Variants in DNAJC1 observed in about 807,000 individuals in gnomAD.
DNAJC1 encodes the protein dnaJ homolog subfamily C member 1.
Under a neutral mutation model 76.6 loss-of-function variants are expected in DNAJC1, and 58 were observed. That is an observed-to-expected ratio of 0.76 (90% CI 0.61 to 0.94). The LOEUF is 0.94. Ranked by LOEUF, DNAJC1 falls within the 40% of genes least tolerant of loss-of-function variation. The pLI, the probability that DNAJC1 is intolerant of heterozygous loss-of-function variation, is 0.00. For synonymous variants in DNAJC1, 258 were observed against 267.9 expected, an observed-to-expected ratio of 0.96 and a Z score of 0.36; for missense variants, 689 against 677.3, an observed-to-expected ratio of 1.02 and a Z score of -0.19.
chr10:21,943,747 C>T (rs1437771861), intron 1 of DNAJC1, among the ~76,000 whole-genome samples: 2 of 152,270 alleles, frequency 1.3e-5, no homozygotes, highest in African/African-American at 2.4e-5. Flanking sequence ...CATAGTACCC[C>T]TGCCCAAAGC....
At chr10:21,813,172 CTCCCTCTCTCT>C (rs1835004968) in intron 8 of DNAJC1, among the ~76,000 whole-genome samples, 1 of 61,384 alleles carries the variant, frequency 1.6e-5, no homozygotes, top group Non-Finnish European at 2.9e-5. Flanking sequence ...CTCTCTCTCT[CTCCCTCTCTCT>C]CTCTCTCTCT....
rs1245706309 is a variant in DNAJC1, at chr10:21,920,790, A to G, written c.537+8T>C. 1 of 1,602,902 alleles carries G rather than the reference A, an allele frequency of 6.2e-7. No individual in the cohort carries two copies. Among genetic ancestry groups the G allele is most frequent in the South Asian group, 1.1e-5 (1 of 89,042 alleles). On this transcript the variant is annotated splice_region_variant and intron_variant, in intron 4 of 11. Coordinates refer to ENST00000376980, the MANE Select transcript of DNAJC1 (RefSeq NM_022365.4). ...GGCTAGTTCATTTGATTTATTACTA[A>G]CACTTACCAGTTGTTTTTCCAGGTA...
chr10:21,978,013 GTC>G (rs1388982567), intron 1 of DNAJC1, among the ~76,000 whole-genome samples: 37 of 152,100 alleles, frequency 2.4e-4, no homozygotes, highest in Non-Finnish European at 3.1e-4. Flanking sequence ...CAATAAGAAT[GTC>G]TGTTTTTTAT....
chr10:21,772,552 T>C (rs887307566), intron 9 of DNAJC1, among the ~76,000 whole-genome samples: 1 of 152,126 alleles, frequency 6.6e-6, no homozygotes, highest in Non-Finnish European at 1.5e-5. Context: ...TCCTTTATAA[T>C]CCTTTTTATT....
intron 8 of DNAJC1, among the ~76,000 whole-genome samples, chr10:21,814,912 T>G (rs554675926): frequency 6.6e-6 from 1 of 152,162 alleles, no homozygotes; most frequent in Non-Finnish European, 1.5e-5. Flanking sequence ...CTAGCCCTTA[T>G]GTTGAAATTT....
chr10:21,756,557 A>G lies in DNAJC1; in HGVS notation c.*130T>C. ...CAGTATAGCACAACACTCATCTTTT[A>G]TTTATTTATTATTTTTTTTTACTAA... On this transcript the variant is annotated 3_prime_UTR_variant, in exon 12 of 12. Coordinates refer to ENST00000376980, the MANE Select transcript of DNAJC1 (RefSeq NM_022365.4). The G allele has an allele frequency of 1.5e-6, 1 of 657,276 alleles. No homozygotes were observed. Among genetic ancestry groups the G allele is most frequent in the Non-Finnish European group, 2.7e-6 (1 of 377,194 alleles). 40.7% of individuals were successfully genotyped at this position (657,276 alleles called of 1,614,324 possible).
At chr10:21,778,707 G>C (rs909058991) in intron 9 of DNAJC1, among the ~76,000 whole-genome samples, 2 of 152,208 alleles carry the variant, frequency 1.3e-5, no homozygotes, top group Admixed American at 1.3e-4. Context: ...TTCCAATTGA[G>C]ATACCAGGTT....
At chr10:21,771,292 C>T (rs1834374449) in intron 9 of DNAJC1, among the ~76,000 whole-genome samples, 1 of 152,122 alleles carries the variant, frequency 6.6e-6, no homozygotes, top group Non-Finnish European at 1.5e-5. Flanking sequence ...TGCCTAAATG[C>T]CCTGGCTAAG....
intron 9 of DNAJC1, among the ~76,000 whole-genome samples, chr10:21,789,729 G>A (rs1254703437): frequency 1.3e-5 from 2 of 152,084 alleles, no homozygotes; most frequent in Admixed American, 6.6e-5. Flanking sequence ...AAAAAATACA[G>A]CCAGGTGCAG....
intron 9 of DNAJC1, among the ~76,000 whole-genome samples, chr10:21,783,760 CATCTG>C (rs1340841850): frequency 6.6e-6 from 1 of 152,134 alleles, no homozygotes; most frequent in African/African-American, 2.4e-5. Context: ...CATCTACAAC[CATCTG>C]ATCTTTGACA....
intron 8 of DNAJC1, among the ~76,000 whole-genome samples, chr10:21,860,563 G>A (rs900619839): frequency 9.9e-5 from 15 of 151,978 alleles, no homozygotes; most frequent in Admixed American, 9.8e-4. Flanking sequence ...GCATGGTGGT[G>A]CGCACCTGTA....
intron 6 of DNAJC1, among the ~76,000 whole-genome samples, chr10:21,916,358 G>A (rs986260796): frequency 3.3e-5 from 5 of 152,024 alleles, no homozygotes; most frequent in East Asian, 1.9e-4. Context: ...GCGTGGTAGC[G>A]GGCGCCTGTA....
At chr10:21,846,227 G>C (rs1389965622) in intron 8 of DNAJC1, among the ~76,000 whole-genome samples, 1 of 152,174 alleles carries the variant, frequency 6.6e-6, no homozygotes, top group Non-Finnish European at 1.5e-5. Context: ...CAAGCACAAT[G>C]CCTGTCATGT....
chr10:21,871,203 CT>C (rs1453788245), intron 8 of DNAJC1, among the ~76,000 whole-genome samples: 1 of 152,018 alleles, frequency 6.6e-6, no homozygotes. Flanking sequence ...AGAGGAAAGG[CT>C]GAGGCATGAA....
intron 8 of DNAJC1, among the ~76,000 whole-genome samples, chr10:21,858,142 T>G (rs1029865827): frequency 6.6e-6 from 1 of 152,164 alleles, no homozygotes; most frequent in Non-Finnish European, 1.5e-5. Flanking sequence ...CTTCACACAG[T>G]TATATGCATT....
At chr10:21,783,714 A>G (rs533378938) in intron 9 of DNAJC1, among the ~76,000 whole-genome samples, 60 of 152,346 alleles carry the variant, frequency 3.9e-4, no homozygotes, top group African/African-American at 1.4e-3. Flanking sequence ...ATACAGACCA[A>G]TGGAACAGAA....
At chr10:21,849,215 C>G (rs1019388263) in intron 8 of DNAJC1, among the ~76,000 whole-genome samples, 26 of 146,046 alleles carry the variant, frequency 1.8e-4, no homozygotes, top group African/African-American at 6.7e-4. Context: ...ATCATTTGAA[C>G]CCAGAAGTCA....
At chr10:21,966,581 A>G (rs996522970) in intron 1 of DNAJC1, among the ~76,000 whole-genome samples, 1 of 151,932 alleles carries the variant, frequency 6.6e-6, no homozygotes, top group Non-Finnish European at 1.5e-5. Context: ...ACAGGTTAAA[A>G]TCCCTTACTA....
intron 8 of DNAJC1, among the ~76,000 whole-genome samples, chr10:21,856,348 TTAC>T (rs543182681): frequency 4.1e-3 from 621 of 152,318 alleles, no homozygotes; most frequent in Middle Eastern, 0.017. Flanking sequence ...ACTTCCTATT[TTAC>T]TACATTTTAT....
Sources: gnomAD v4.1 joint callset for allele counts (sites outside exome capture counted in the v4.1 genomes callset) on GRCh38, gnomAD v4.1.1 for gene constraint, MANE v1.5 for transcripts, NCBI Gene and HGNC (gene_info 2026-07-23, HGNC 2026-07-21) for gene names.